The following SMC6 variants were observed in gnomAD, a reference collection of about 807,000 sequenced individuals.
SMC6 encodes the protein structural maintenance of chromosomes protein 6.
A neutral mutation model predicts 142.2 loss-of-function variants in SMC6; 79 were observed. That is an observed-to-expected ratio of 0.56 (90% CI 0.46 to 0.67). SMC6 has a LOEUF of 0.67. Among genes scored for constraint, SMC6 ranks in the 30% least tolerant of loss-of-function variants. SMC6 has a pLI of 0.00. For missense variants in SMC6, 1,072 were observed against 1,284.0 expected, an observed-to-expected ratio of 0.83 and a Z score of 2.52; for synonymous variants, 411 against 412.4, an observed-to-expected ratio of 1.00 and a Z score of 0.04.
chr2:17,753,195 T>C (rs1671153878), intron 1 of SMC6, 131 bp from the exon 2 acceptor site: 1 of 167,334 alleles, frequency 6.0e-6, no homozygotes, highest in Non-Finnish European at 1.2e-5. Context: ...GATCTTTGCA[T>C]ACACCCTTTA....
At chr2:17,738,126 C>A in intron 5 of SMC6, 95 bp downstream of exon 5, 3 of 858,994 alleles carry the variant, frequency 3.5e-6, no homozygotes, top group South Asian at 1.7e-5. Flanking sequence ...TGGGAAGGCA[C>A]TTCATTTCCA....
intron 23 of SMC6, among the ~76,000 whole-genome samples, chr2:17,690,029 T>C (rs1024251185): frequency 2.0e-5 from 3 of 152,190 alleles, no homozygotes; most frequent in South Asian, 4.1e-4. Context: ...CTCTATTCAA[T>C]ACATTATTAA....
Position 17,675,738 on chromosome 2 carries a change from C to T in SMC6, c.2910+3121G>A, listed in dbSNP as rs369537279. On this transcript the variant is annotated intron_variant, in intron 25 of 27. Transcript: ENST00000448223. ...GCCTTTGGTTTTATTGTTGCTCTTT[C>T]GAAACTAATGCATATTTTTTCTCTT... 5.3e-5 allele frequency among the ~76,000 whole-genome samples: 8 copies of T among 152,146 alleles called. No homozygotes were observed. The East Asian group carries it at 9.6e-4, about 18-fold the overall frequency.
chr2:17,752,956 C>T, intron 2 of SMC6, 22 bp downstream of exon 2: 2 of 935,972 alleles, frequency 2.1e-6, no homozygotes, highest in South Asian at 4.9e-5. Context: ...AATGATTGCT[C>T]TAAGAATTTT....
rs576480563 is a variant in SMC6 at position 17,746,552 on chromosome 2, G to C, written c.-5-601C>G. 3 of 152,104 alleles carry C rather than the reference G, an allele frequency of 2.0e-5. No homozygotes were observed. In the South Asian group the frequency reaches 6.2e-4, roughly 32 times the overall value. 9.4% of individuals were successfully genotyped at this position (152,104 alleles called of 1,614,324 possible). A position where few individuals can be genotyped will look rare whatever the true frequency, so the allele number is the denominator to read the frequency against. On this transcript the variant is annotated intron_variant, in intron 2 of 27. Transcript: ENST00000448223. ...TTTTCCCAAAGAATCATATTTTGAA[G>C]CACATTGCTTAGCACCAGTGGTTTC...
At chr2:17,736,779 T>C (rs1572351884) in intron 5 of SMC6, among the ~76,000 whole-genome samples, 1 of 151,260 alleles carries the variant, frequency 6.6e-6, no homozygotes, top group East Asian at 2.0e-4. Flanking sequence ...GGGTGAGGCA[T>C]GAGAATCACT....
intron 26 of SMC6, among the ~76,000 whole-genome samples, chr2:17,667,186 A>G (rs1344262864): frequency 6.6e-6 from 1 of 152,216 alleles, no homozygotes; most frequent in Non-Finnish European, 1.5e-5. Flanking sequence ...AGTCAGGGTA[A>G]TGGTAACAAA....
intron 2 of SMC6, among the ~76,000 whole-genome samples, chr2:17,749,034 C>T (rs542917083): frequency 5.7e-4 from 87 of 152,266 alleles, no homozygotes; most frequent in South Asian, 2.1e-3. Flanking sequence ...ATCTAACAGA[C>T]ACTGAAGGAT....
chr2:17,714,105 T>A (rs1367483020), intron 16 of SMC6, among the ~76,000 whole-genome samples: 6 of 143,878 alleles, frequency 4.2e-5, no homozygotes, highest in Non-Finnish European at 7.5e-5. Flanking sequence ...TTTTTTTTTT[T>A]TGAGACACAG....
In SMC6 at chr2:17,735,548, T is replaced by C. The variant is rs1301720947; in HGVS notation, c.344+2673A>G. Among the ~76,000 whole-genome samples, 10 of 152,120 alleles carry C rather than the reference T, an allele frequency of 6.6e-5. No homozygotes were observed. The East Asian group carries it at 1.3e-3, about 21-fold the overall frequency. Reference sequence around the variant, plus strand: ...CCCTCTATAACCCTTGTGCCACAGCTGATGTCAAAAATTAGACTACTGCAA... The same window carrying C: ...CCCTCTATAACCCTTGTGCCACAGCCGATGTCAAAAATTAGACTACTGCAA... On this transcript the variant is annotated intron_variant, in intron 5 of 27. Transcript: ENST00000448223.
intron 9 of SMC6, 88 bp downstream of exon 9, chr2:17,725,169 C>T (rs975086085): frequency 2.3e-5 from 19 of 818,832 alleles, no homozygotes; most frequent in African/African-American, 2.3e-4. Flanking sequence ...TATAAATATA[C>T]AGACACATAG....
intron 23 of SMC6, among the ~76,000 whole-genome samples, chr2:17,693,489 GAAC>G (rs1294554754): frequency 2.6e-5 from 4 of 151,984 alleles, no homozygotes; most frequent in Non-Finnish European, 5.9e-5. Context: ...GGTGGGAATT[GAAC>G]AACGAGAACA....
Position 17,716,804 on chromosome 2 carries a change from T to G in SMC6, c.1283A>C (p.Asn428Thr). Residue 428 changes from asparagine (N) to threonine (T), a missense_variant, in exon 14 of 28, where the codon AAT (asparagine) becomes ACT (threonine). Physicochemically the swap from Asn to Thr is moderately conservative, Grantham distance 65. Around this residue, in one of 3 missense-constraint regions of SMC6, gnomAD observed 994 missense variants for 1,153.2 expected, o/e 0.86. Transcript: ENST00000448223. Reference protein sequence around the residue: ...KAFQNQENSVNQEIEQFQQAI... With the variant: ...KAFQNQENSVTQEIEQFQQAI... ...TTGCTGAAACTGTTCGATCTCTTGATTGACTGAATTTTCTTGATTTTGAAA... is the reference window on the plus strand; with the variant it reads ...TTGCTGAAACTGTTCGATCTCTTGAGTGACTGAATTTTCTTGATTTTGAAA... 1 of 1,613,730 alleles carries G rather than the reference T, an allele frequency of 6.2e-7. No individual in the cohort carries two copies.
rs1669367302 is a variant in SMC6 at position 17,721,363 on chromosome 2, CATAA to C, written c.727-106_727-103del. On this transcript the variant is annotated intron_variant, in intron 9 of 27. Transcript: ENST00000448223. The stretch of plus-strand genomic sequence containing the variant: ...AAAAACAATGCCTAAACAAGTACTA[CATAA>C]ATATTCGTTTAAAAATAACTTCTAT... The C allele has an allele frequency of 1.7e-5, 19 of 1,103,486 alleles. 2 individuals are homozygous for C. The South Asian group carries it at 3.3e-4, about 19-fold the overall frequency. The allele number at this position is 1,103,486 out of a possible 1,614,324, so 68.4% of individuals were successfully genotyped here. A position where few individuals can be genotyped will look rare whatever the true frequency, so the allele number is the denominator to read the frequency against.
intron 26 of SMC6, among the ~76,000 whole-genome samples, chr2:17,666,820 C>CAA (rs11295692): frequency 6.9e-6 from 1 of 144,456 alleles, no homozygotes; most frequent in Non-Finnish European, 1.5e-5. Context: ...CTGTCTCTAC[C>CAA]AAAAAAAAAA....
At chr2:17,693,716 C>T (rs1020906701) in intron 23 of SMC6, among the ~76,000 whole-genome samples, 12 of 151,930 alleles carry the variant, frequency 7.9e-5, no homozygotes, top group Admixed American at 1.3e-4. Flanking sequence ...AAGAATGAGG[C>T]CAGGCGTGGT....
At chr2:17,679,343 T>C (rs1336309761) in intron 24 of SMC6, 1 of 156,486 alleles carries the variant, frequency 6.4e-6, no homozygotes, top group Admixed American at 6.5e-5. Context: ...GAGGATTAAC[T>C]GTAATGGTGA....
At chr2:17,711,047 G>A (rs76272722) in intron 16 of SMC6, among the ~76,000 whole-genome samples, 1 of 152,108 alleles carries the variant, frequency 6.6e-6, no homozygotes, top group Admixed American at 6.6e-5. Context: ...AGTCTAAGAG[G>A]GGAGGACGTG....
At chr2:17,714,007 A>G (rs947065534) in intron 16 of SMC6, among the ~76,000 whole-genome samples, 4 of 152,116 alleles carry the variant, frequency 2.6e-5, no homozygotes, top group African/African-American at 4.8e-5. Flanking sequence ...AAGAAGGTTT[A>G]TTTTAAAAAG....
Sources: allele counts gnomAD v4.1 joint callset (sites outside exome capture counted in the v4.1 genomes callset), GRCh38; gene constraint gnomAD v4.1.1; regional missense constraint gnomAD v4.1.1; transcripts MANE v1.5; gene names NCBI Gene and HGNC (gene_info 2026-07-23, HGNC 2026-07-21).